SLX4IP: variants seen among roughly 807,000 people sequenced by gnomAD.
SLX4IP encodes protein SLX4IP.
Under a neutral mutation model 32.9 loss-of-function variants are expected in SLX4IP, and 34 were observed. The ratio of observed to expected loss-of-function variants is 1.03; its 90% confidence interval spans 0.79 to 1.38. The LOEUF is 1.38. Ranked by LOEUF, SLX4IP falls within the 40% of genes most tolerant of loss-of-function variation. SLX4IP has a pLI of 0.00. For synonymous variants in SLX4IP, 172 were observed against 171.7 expected, an observed-to-expected ratio of 1.00 and a Z score of -0.01; for missense variants, 444 against 479.0, an observed-to-expected ratio of 0.93 and a Z score of 0.68.
At chr20:10,519,843 C>T (rs987536552) in intron 2 of SLX4IP, among the ~76,000 whole-genome samples, 5 of 152,182 alleles carry the variant, frequency 3.3e-5, no homozygotes, top group South Asian at 2.1e-4. Flanking sequence ...CTACCAGCCA[C>T]GTATGATGGT....
chr20:10,611,532 G>T (rs76692910), intron 6 of SLX4IP, among the ~76,000 whole-genome samples: 2 of 152,190 alleles, frequency 1.3e-5, no homozygotes, highest in Admixed American at 6.5e-5. Context: ...TATCCTTCCA[G>T]CAGGGGGAGG....
At chr20:10,532,952 T>C (rs151203123) in intron 2 of SLX4IP, among the ~76,000 whole-genome samples, 1 of 152,058 alleles carries the variant, frequency 6.6e-6, no homozygotes, top group Admixed American at 6.6e-5. Flanking sequence ...ATTATTTTTA[T>C]TTTTAGTACA....
At chr20:10,597,389 T>C (rs1438333823) in intron 4 of SLX4IP, among the ~76,000 whole-genome samples, 2 of 152,214 alleles carry the variant, frequency 1.3e-5, no homozygotes, top group South Asian at 4.1e-4. Context: ...CAAAGTAGTT[T>C]ATACCTGGAG....
intron 2 of SLX4IP, among the ~76,000 whole-genome samples, chr20:10,462,011 A>C (rs1459578071): frequency 6.6e-6 from 1 of 152,134 alleles, no homozygotes; most frequent in Non-Finnish European, 1.5e-5. Context: ...ATTACATATA[A>C]CCACAAAACA....
chr20:10,472,434 G>T (rs2122364288), intron 2 of SLX4IP, among the ~76,000 whole-genome samples: 1 of 152,218 alleles, frequency 6.6e-6, no homozygotes, highest in African/African-American at 2.4e-5. Flanking sequence ...GTTTCACAGT[G>T]TTAGCCAGGA....
At chr20:10,482,758 C>G (rs1052596516) in intron 2 of SLX4IP, among the ~76,000 whole-genome samples, 2 of 152,126 alleles carry the variant, frequency 1.3e-5, no homozygotes, top group African/African-American at 4.8e-5. Flanking sequence ...GCTAAGAGAC[C>G]TTTTAGAAGT....
chr20:10,437,550 G>T (rs2065125511), intron 1 of SLX4IP, among the ~76,000 whole-genome samples: 1 of 152,186 alleles, frequency 6.6e-6, no homozygotes, highest in African/African-American at 2.4e-5. Context: ...AAAAGATCTG[G>T]ATTAAGAATG....
chr20:10,450,382 A>C (rs1038350320), intron 1 of SLX4IP, among the ~76,000 whole-genome samples: 3 of 152,236 alleles, frequency 2.0e-5, no homozygotes, highest in Non-Finnish European at 4.4e-5. Flanking sequence ...GACAAAAATA[A>C]TGTAATTTTA....
intron 6 of SLX4IP, among the ~76,000 whole-genome samples, chr20:10,610,180 G>A (rs1297244864): frequency 1.3e-5 from 2 of 151,974 alleles, no homozygotes; most frequent in African/African-American, 4.8e-5. Flanking sequence ...CCTGTGAAAT[G>A]TATACTTCCT....
In SLX4IP at chr20:10,569,258, T is replaced by C. The variant is rs140841692; in HGVS notation, c.238+8438T>C. Among the ~76,000 whole-genome samples the C allele has an allele frequency of 9.4e-3, 1,409 of 150,662 alleles. 25 individuals carry two copies. Among genetic ancestry groups the C allele is most frequent in the African/African-American group, 0.032 (1,331 of 41,002 alleles). On this transcript the variant is annotated intron_variant, in intron 4 of 7. Coordinates refer to ENST00000334534, the MANE Select transcript of SLX4IP (RefSeq NM_001009608.3). ...TGGAGTGCAATGGCACGATCTCAGC[T>C]CACTGCAACCTCTGCCTCCCAGGTT...
rs1415980660 is a variant in SLX4IP at position 10,583,391 on chromosome 20, ATT to A, written c.239-15283_239-15282del. Among the ~76,000 whole-genome samples the A allele has an allele frequency of 2.6e-5, 4 of 152,328 alleles. No homozygotes were observed. The East Asian group carries it at 7.7e-4, about 29-fold the overall frequency. Reference sequence around the variant, plus strand: ...CTGAACAAGGTTGGTGTACACATTCATTGCACTCGGTTGATTATCTTTATCAT... The same window carrying A: ...CTGAACAAGGTTGGTGTACACATTCAGCACTCGGTTGATTATCTTTATCAT... On this transcript the variant is annotated intron_variant, in intron 4 of 7. Coordinates refer to ENST00000334534, the MANE Select transcript of SLX4IP (RefSeq NM_001009608.3).
At chr20:10,442,082 G>A (rs1039220692) in intron 1 of SLX4IP, among the ~76,000 whole-genome samples, 2 of 152,176 alleles carry the variant, frequency 1.3e-5, no homozygotes, top group Non-Finnish European at 2.9e-5. Flanking sequence ...ATAGAAAGAA[G>A]CATAATAATT....
At chr20:10,462,460 A>G (rs1343422107) in intron 2 of SLX4IP, among the ~76,000 whole-genome samples, 1 of 152,230 alleles carries the variant, frequency 6.6e-6, no homozygotes, top group African/African-American at 2.4e-5. Flanking sequence ...AGAATCAAGA[A>G]TCAGAACACC....
chr20:10,526,569 T>A (rs954449323), intron 2 of SLX4IP, among the ~76,000 whole-genome samples: 7 of 152,344 alleles, frequency 4.6e-5, no homozygotes, highest in Middle Eastern at 6.8e-3. Context: ...TGTATTTGTT[T>A]CCTATGGATG....
intron 2 of SLX4IP, among the ~76,000 whole-genome samples, chr20:10,464,752 TG>T (rs1326285158): frequency 1.3e-5 from 2 of 151,798 alleles, no homozygotes; most frequent in Middle Eastern, 3.4e-3. Flanking sequence ...CTTACCCATC[TG>T]ACCTTCCTGC....
rs768491274 is a variant in SLX4IP at position 10,621,428 on chromosome 20, G to A, written c.506+14G>A. 16 of 1,612,002 alleles carry A rather than the reference G, an allele frequency of 9.9e-6. No homozygotes were observed. The South Asian group carries it at 1.8e-4, about 18-fold the overall frequency. ...TCTGAAAGAAATGTAGGTGCAATGT[G>A]TTTCCTTTTTCTCATTTTTGCCTGT... On this transcript the variant is annotated intron_variant, in intron 7 of 7. Transcript: ENST00000334534.
chr20:10,574,343 CT>C (rs779754406), intron 4 of SLX4IP, among the ~76,000 whole-genome samples: 15 of 152,126 alleles, frequency 9.9e-5, no homozygotes, highest in Non-Finnish European at 2.1e-4. Context: ...AAGTATAAAC[CT>C]TATTAGAATG....
chr20:10,512,313 C>A (rs1053946565), intron 2 of SLX4IP, among the ~76,000 whole-genome samples: 1 of 152,024 alleles, frequency 6.6e-6, no homozygotes, highest in African/African-American at 2.4e-5. Flanking sequence ...TAGGAGAATC[C>A]TAGATGTTTT....
intron 2 of SLX4IP, among the ~76,000 whole-genome samples, chr20:10,545,692 A>T (rs1389590674): frequency 6.6e-6 from 1 of 152,176 alleles, no homozygotes; most frequent in Non-Finnish European, 1.5e-5. Flanking sequence ...AAACAAATAA[A>T]CTGAATTCCT....
Sources: gnomAD v4.1 joint callset for allele counts (sites outside exome capture counted in the v4.1 genomes callset) on GRCh38, gnomAD v4.1.1 for gene constraint, MANE v1.5 for transcripts, NCBI Gene and HGNC (gene_info 2026-07-23, HGNC 2026-07-21) for gene names.